SUCLA2: variants seen among roughly 807,000 people sequenced by gnomAD.
SUCLA2 encodes the protein succinate--CoA ligase [ADP-forming] subunit beta, mitochondrial.
Under a neutral mutation model 54.8 loss-of-function variants are expected in SUCLA2, and 30 were observed. That is an observed-to-expected ratio of 0.55 (90% CI 0.41 to 0.74). SUCLA2 has a LOEUF of 0.74. SUCLA2 is among the 30% of genes least tolerant of loss of function. The probability of loss-of-function intolerance (pLI) is 0.00; values close to 1 mark genes in which losing one functional copy is unlikely to be tolerated. For missense variants in SUCLA2, 476 were observed against 562.9 expected (o/e 0.85, Z 1.56); for synonymous variants, 172 against 188.9 (o/e 0.91, Z 0.74).
At chr13:47,945,422 C>CAAAAAAAAA (rs10661341) in intron 10 of SUCLA2, among the ~76,000 whole-genome samples, 1 of 50,018 alleles carries the variant, frequency 2.0e-5, no homozygotes, top group Non-Finnish European at 3.3e-5. Context: ...GACTCAGTCT[C>CAAAAAAAAA]AAAAAAAAAA....
chr13:47,969,472 T>C (rs982697670), intron 5 of SUCLA2, among the ~76,000 whole-genome samples: 9 of 152,184 alleles, frequency 5.9e-5, no homozygotes, highest in African/African-American at 2.2e-4. Flanking sequence ...GATTCCCAAA[T>C]AGAGATACCC....
intron 6 of SUCLA2, 47 bp from the exon 7 acceptor site, chr13:47,954,604 C>A (rs146436952): frequency 2.5e-6 from 4 of 1,589,942 alleles, no homozygotes; most frequent in African/African-American, 1.3e-5. Flanking sequence ...AAGACAGATA[C>A]AATAAAGTAT....
chr13:47,975,196 T>G (rs570571254), intron 4 of SUCLA2, among the ~76,000 whole-genome samples: 1 of 151,792 alleles, frequency 6.6e-6, no homozygotes, highest in African/African-American at 2.4e-5. Context: ...AGTGTCGTTC[T>G]GTCACCCAGG....
chr13:47,999,599 A>G (rs1034536737), intron 1 of SUCLA2, among the ~76,000 whole-genome samples: 1 of 151,834 alleles, frequency 6.6e-6, no homozygotes, highest in African/African-American at 2.4e-5. Flanking sequence ...CCCAGCTACT[A>G]GGGAGGCTGA....
rs374479008 is a variant in SUCLA2, at chr13:48,001,249, G to A, written c.21C>T (p.Tyr7=). Residue 7 remains tyrosine (Y), a synonymous_variant, in exon 1 of 11, where the codon TAC becomes TAT. Coordinates refer to ENST00000646932, the MANE Select transcript of SUCLA2 (RefSeq NM_003850.3). ...GGGTGGCCACGGCCACTAGCCTGCC[G>A]TAGAACATGGAGGCCGCCATTTCTG... MAASMF[Y]GRLVAVATLR... The A allele has an allele frequency of 9.9e-5, 159 of 1,604,876 alleles. 2 individuals are homozygous for A. Among genetic ancestry groups the A allele is most frequent in the Non-Finnish European group, 1.2e-4 (146 of 1,176,556 alleles).
chr13:47,968,236 A>G (rs564930497), intron 6 of SUCLA2, among the ~76,000 whole-genome samples: 6 of 152,310 alleles, frequency 3.9e-5, no homozygotes, highest in Non-Finnish European at 8.8e-5. Context: ...GCTATTGAGT[A>G]TTTGAACCAT....
At chr13:47,993,970 G>A (rs1950171042) in intron 2 of SUCLA2, among the ~76,000 whole-genome samples, 1 of 149,564 alleles carries the variant, frequency 6.7e-6, no homozygotes, top group African/African-American at 2.5e-5. Context: ...GGAGGCAGAG[G>A]TTGCTTGAAC....
At chr13:47,969,747 T>C (rs544827163) in intron 5 of SUCLA2, among the ~76,000 whole-genome samples, 30 of 152,188 alleles carry the variant, frequency 2.0e-4, no homozygotes, top group Non-Finnish European at 3.7e-4. Context: ...CTTAAATTCT[T>C]TGAAGATGAA....
In SUCLA2 at chr13:47,943,207, A is replaced by C; in HGVS notation, c.*164T>G. The stretch of plus-strand genomic sequence containing the variant: ...TGCTTCGTACAAACAGTCCATTCTG[A>C]ATGGTACAATTAAATGCAGTCCAAA... On this transcript the variant is annotated 3_prime_UTR_variant, in exon 11 of 11. Coordinates refer to ENST00000646932, the MANE Select transcript of SUCLA2 (RefSeq NM_003850.3). 2.7e-6 allele frequency: 2 copies of C among 745,152 alleles called. No homozygotes were observed. Among genetic ancestry groups the C allele is most frequent in the Non-Finnish European group, 4.8e-6 (2 of 414,342 alleles). The allele number at this position is 745,152 out of a possible 1,614,324, so 46.2% of individuals were successfully genotyped here.
intron 1 of SUCLA2, among the ~76,000 whole-genome samples, chr13:47,999,234 C>A (rs144639622): frequency 6.6e-6 from 1 of 152,272 alleles, no homozygotes; most frequent in East Asian, 1.9e-4. Context: ...CTAGAAAAAT[C>A]TGAATCTAAA....
At chr13:47,950,845 C>T (rs11618194) in intron 8 of SUCLA2, among the ~76,000 whole-genome samples, 11 of 152,144 alleles carry the variant, frequency 7.2e-5, no homozygotes, top group Admixed American at 5.2e-4. Flanking sequence ...CATCTACCTC[C>T]AAGGCCCCAC....
chr13:47,996,240 T>C (rs1378904900), intron 2 of SUCLA2, among the ~76,000 whole-genome samples: 1 of 151,470 alleles, frequency 6.6e-6, no homozygotes, highest in Non-Finnish European at 1.5e-5. Context: ...GGAGAATCCC[T>C]TGAACCCGGG....
intron 4 of SUCLA2, among the ~76,000 whole-genome samples, chr13:47,981,509 G>C (rs1241024228): frequency 1.3e-5 from 2 of 152,182 alleles, no homozygotes; most frequent in African/African-American, 4.8e-5. Context: ...TCTGCTGTTA[G>C]TTGGAATATA....
rs1225010234 is a variant in SUCLA2 at position 47,982,863 on chromosome 13, C to T, written c.534+5678G>A. Among the ~76,000 whole-genome samples, 3 of 152,254 alleles carry T rather than the reference C, an allele frequency of 2.0e-5. No homozygotes were observed. In the East Asian group the frequency reaches 5.8e-4, roughly 29 times the overall value. On this transcript the variant is annotated intron_variant, in intron 4 of 10. Coordinates refer to ENST00000646932, the MANE Select transcript of SUCLA2 (RefSeq NM_003850.3). ...TGGGAACCCTCCCAGACCTTGTTGG[C>T]TGGTTATGATTTTTATATCCTTTGG...
chr13:47,988,104 G>C (rs7337744), intron 4 of SUCLA2: 120,318 of 163,064 alleles, frequency 0.74, 45,293 homozygotes, highest in Non-Finnish European at 0.82. Context: ...AAACAAACCC[G>C]AAACTATTAA....
chr13:47,968,476 T>TA (rs1348446201), intron 6 of SUCLA2, 119 bp downstream of exon 6: 6 of 1,173,726 alleles, frequency 5.1e-6, no homozygotes, highest in Middle Eastern at 2.9e-4. Context: ...GATTTTTTTT[T>TA]AAAAAGCTTC....
At chr13:47,954,036 C>CAT (rs1379158207) in intron 8 of SUCLA2, 104 bp downstream of exon 8, 2 of 1,038,068 alleles carry the variant, frequency 1.9e-6, no homozygotes, top group Admixed American at 3.7e-5. Flanking sequence ...TATTAAAAGA[C>CAT]ATATATATGA....
chr13:48,001,234 GGCCACTA>G lies in SUCLA2; in HGVS notation c.29_35del (p.Leu10ProfsTer48). On this transcript the variant is annotated frameshift_variant, in exon 1 of 11. Coordinates refer to ENST00000646932, the MANE Select transcript of SUCLA2 (RefSeq NM_003850.3). LOFTEE classifies it high-confidence loss of function. ...GCCGGTGGTTCCGAAGGGTGGCCAC[GGCCACTA>G]GCCTGCCGTAGAACATGGAGGCCGC... 3 of 1,606,100 alleles carry G rather than the reference GGCCACTA, an allele frequency of 1.9e-6. No homozygotes were observed. Among genetic ancestry groups the G allele is most frequent in the Non-Finnish European group, 1.7e-6 (2 of 1,177,480 alleles).
chr13:47,945,427 A>C (rs554767207), intron 10 of SUCLA2, among the ~76,000 whole-genome samples: 319 of 147,058 alleles, frequency 2.2e-3, no homozygotes, highest in Non-Finnish European at 4.1e-3. Flanking sequence ...AGTCTCAAAA[A>C]AAAAAAAAAA....
Sources: gnomAD v4.1 joint callset for allele counts (sites outside exome capture counted in the v4.1 genomes callset) on GRCh38, gnomAD v4.1.1 for gene constraint, MANE v1.5 for transcripts, NCBI Gene and HGNC (gene_info 2026-07-23, HGNC 2026-07-21) for gene names.